PPP1R14D: variants seen among roughly 807,000 people sequenced by gnomAD.
PPP1R14D encodes the protein protein phosphatase 1 regulatory inhibitor subunit 14D, also known as protein phosphatase 1 regulatory subunit 14D.
In PPP1R14D, 14 loss-of-function variants were observed where a neutral mutation model predicts 17.1. That is an observed-to-expected ratio of 0.82 (90% confidence interval 0.54 to 1.28). PPP1R14D has a LOEUF of 1.28. Ranked by LOEUF, PPP1R14D falls within the 50% of genes most tolerant of loss-of-function variation. The probability of loss-of-function intolerance (pLI) is 0.00; values close to 1 mark genes in which losing one functional copy is unlikely to be tolerated. For synonymous variants in PPP1R14D, 67 were observed against 66.1 expected (o/e 1.01, Z -0.06); for missense variants, 173 against 179.2 (o/e 0.97, Z 0.20).
chr15:40,819,944 G>A (rs12916485), intron 1 of PPP1R14D, among the ~76,000 whole-genome samples: 43,641 of 150,232 alleles, frequency 0.29, 7,187 homozygotes, highest in South Asian at 0.45. Context: ...TCGGCTCACC[G>A]CAACCTCTGC....
Position 40,828,706 on chromosome 15 carries a change from A to G in PPP1R14D, c.-65T>C. ...AGTTCTGAGCAGAGCCACAGAGGGA[A>G]GTGAGGAGACAGAGAACAGGAGAGG... On this transcript the variant is annotated 5_prime_UTR_variant, in exon 1 of 4. Transcript: ENST00000299174. 1 of 1,521,348 alleles carries G rather than the reference A, an allele frequency of 6.6e-7. No individual in the cohort carries two copies. The highest frequency in any genetic ancestry group is 8.8e-7 in the Non-Finnish European group (1 of 1,131,852). The allele number at this position is 1,521,348 out of a possible 1,614,324, so 94.2% of individuals were successfully genotyped here. A position where few individuals can be genotyped will look rare whatever the true frequency, so the allele number is the denominator to read the frequency against.
chr15:40,825,844 C>T (rs1596129965), intron 1 of PPP1R14D, among the ~76,000 whole-genome samples: 2 of 152,334 alleles, frequency 1.3e-5, no homozygotes, highest in East Asian at 1.9e-4. Flanking sequence ...GCATTTTATT[C>T]CAGTCATTGC....
intron 1 of PPP1R14D, among the ~76,000 whole-genome samples, chr15:40,821,985 G>GTTGA (rs1890785762): frequency 6.6e-6 from 1 of 151,880 alleles, no homozygotes. Context: ...CTTTAAAAAA[G>GTTGA]TATCAGTCTT....
intron 1 of PPP1R14D, among the ~76,000 whole-genome samples, chr15:40,817,018 C>T (rs1032222953): frequency 6.6e-6 from 1 of 151,848 alleles, no homozygotes; most frequent in African/African-American, 2.4e-5. Flanking sequence ...TTGCAGTGAG[C>T]GGAGATCGTG....
At chr15:40,828,010 T>G (rs1314061732) in intron 1 of PPP1R14D, among the ~76,000 whole-genome samples, 1 of 152,100 alleles carries the variant, frequency 6.6e-6, no homozygotes, top group African/African-American at 2.4e-5. Context: ...GCTCCGGACA[T>G]GTATGTGCAT....
chr15:40,816,679 C>T (rs1200922084), intron 1 of PPP1R14D, among the ~76,000 whole-genome samples: 2 of 151,888 alleles, frequency 1.3e-5, no homozygotes. Flanking sequence ...GAGATTGTGC[C>T]ACTGTACTCC....
At chr15:40,818,086 T>C (rs573844394) in intron 1 of PPP1R14D, among the ~76,000 whole-genome samples, 168 of 151,830 alleles carry the variant, frequency 1.1e-3, no homozygotes, top group African/African-American at 3.8e-3. Context: ...GTCAGGAGAT[T>C]GAGACCATCC....
At chr15:40,820,814 T>C (rs1890762558) in intron 1 of PPP1R14D, among the ~76,000 whole-genome samples, 1 of 151,278 alleles carries the variant, frequency 6.6e-6, no homozygotes, top group African/African-American at 2.4e-5. Context: ...TGAGCCAAGA[T>C]CATGCCACTG....
intron 1 of PPP1R14D, among the ~76,000 whole-genome samples, chr15:40,825,423 C>T (rs1176146151): frequency 1.3e-5 from 2 of 152,092 alleles, no homozygotes; most frequent in East Asian, 3.9e-4. Context: ...CATGCTCTAC[C>T]TCCGGACAAC....
At chr15:40,823,892 A>G (rs572262423) in intron 1 of PPP1R14D, among the ~76,000 whole-genome samples, 3 of 151,934 alleles carry the variant, frequency 2.0e-5, no homozygotes, top group Non-Finnish European at 2.9e-5. Context: ...ACTGGGGTGC[A>G]GTGGCTTACC....
intron 1 of PPP1R14D, among the ~76,000 whole-genome samples, chr15:40,826,332 G>A (rs139910972): frequency 3.3e-5 from 5 of 152,234 alleles, no homozygotes; most frequent in Non-Finnish European, 7.4e-5. Context: ...GGGCCCTGCT[G>A]CTCCAAAAAG....
Position 40,828,682 on chromosome 15 carries a change from G to A in PPP1R14D, c.-41C>T. On this transcript the variant is annotated 5_prime_UTR_variant, in exon 1 of 4. Transcript: ENST00000299174. The stretch of plus-strand genomic sequence containing the variant: ...GGCAAGGAGCTGGGAAAAACCGCCA[G>A]TTCTGAGCAGAGCCACAGAGGGAAG... 3 of 1,561,444 alleles carry A rather than the reference G, an allele frequency of 1.9e-6. No individual in the cohort carries two copies. Among genetic ancestry groups the A allele is most frequent in the Non-Finnish European group, 2.6e-6 (3 of 1,154,028 alleles).
In PPP1R14D at chr15:40,828,370, TC is replaced by T. The variant is rs1566844916; in HGVS notation, c.255+16del. ...CCCAGGCCCCCATCTCCTCCCACTA[TC>T]CGCTGTGCTACCTACCTGGAAGAGC... On this transcript the variant is annotated intron_variant, in intron 1 of 3. Coordinates refer to ENST00000299174, the MANE Select transcript of PPP1R14D (RefSeq NM_017726.8). The T allele has an allele frequency of 6.4e-7, 1 of 1,562,502 alleles. No homozygotes were observed. Among genetic ancestry groups the T allele is most frequent in the East Asian group, 2.2e-5 (1 of 44,478 alleles).
At chr15:40,821,702 C>T (rs954238611) in intron 1 of PPP1R14D, among the ~76,000 whole-genome samples, 3 of 144,206 alleles carry the variant, frequency 2.1e-5, no homozygotes, top group African/African-American at 8.6e-5. Context: ...CTGAGGCAGG[C>T]GGATCACCTG....
At chr15:40,826,909 A>C (rs189591139) in intron 1 of PPP1R14D, among the ~76,000 whole-genome samples, 1 of 152,342 alleles carries the variant, frequency 6.6e-6, no homozygotes, top group East Asian at 1.9e-4. Flanking sequence ...TGTGTTCAGA[A>C]TGTTATTCTT....
chr15:40,826,971 T>G (rs1015942461), intron 1 of PPP1R14D, among the ~76,000 whole-genome samples: 1 of 152,186 alleles, frequency 6.6e-6, no homozygotes, highest in Non-Finnish European at 1.5e-5. Flanking sequence ...TAAAGGTATA[T>G]AAGTAAGAAA....
chr15:40,818,521 T>C (rs1362148378), intron 1 of PPP1R14D, among the ~76,000 whole-genome samples: 1 of 152,126 alleles, frequency 6.6e-6, no homozygotes, highest in Non-Finnish European at 1.5e-5. Flanking sequence ...ATAAGCCAGT[T>C]TGAAGCCAGT....
intron 3 of PPP1R14D, 59 bp downstream of exon 3, chr15:40,815,903 T>C (rs1300425602): frequency 3.0e-5 from 48 of 1,600,896 alleles, no homozygotes; most frequent in Non-Finnish European, 4.0e-5. Context: ...TACTCCTCAT[T>C]AGCTACCTCC....
Position 40,815,692 on chromosome 15 carries a change from A to G in PPP1R14D, c.*4T>C, listed in dbSNP as rs1413857936. ...CTGAGGCTGCTAAAGATGGTCTCTC[A>G]GGCTTATTTCTGAGGCCGGCTGAGT... On this transcript the variant is annotated 3_prime_UTR_variant, in exon 4 of 4. Transcript: ENST00000299174. The G allele has an allele frequency of 1.9e-6, 3 of 1,613,798 alleles. No homozygotes were observed. In the Admixed American group the frequency reaches 5.0e-5, roughly 27 times the overall value.
Sources: allele counts gnomAD v4.1 joint callset (sites outside exome capture counted in the v4.1 genomes callset), GRCh38; gene constraint gnomAD v4.1.1; transcripts MANE v1.5; gene names NCBI Gene and HGNC (gene_info 2026-07-23, HGNC 2026-07-21).